TFEB: variants seen among roughly 807,000 people sequenced by gnomAD.
The protein encoded by TFEB is transcription factor EB, also known as T-cell transcription factor EB.
In TFEB, 12 loss-of-function variants were observed where a neutral mutation model predicts 48.0. That is an observed-to-expected ratio of 0.25 (90% CI 0.16 to 0.40). The LOEUF (loss-of-function observed/expected upper bound fraction) is 0.40, where lower values mean the gene tolerates loss of function less well. Among genes scored for constraint, TFEB ranks in the 10% least tolerant of loss-of-function variants. The probability of loss-of-function intolerance (pLI) is 1.00; values close to 1 mark genes in which losing one functional copy is unlikely to be tolerated. For missense variants in TFEB, 509 were observed against 640.3 expected, an observed-to-expected ratio of 0.79 and a Z score of 2.21; for synonymous variants, 244 against 261.4, an observed-to-expected ratio of 0.93 and a Z score of 0.64.
chr6:41,690,574 G>C, intron 3 of TFEB, 89 bp downstream of exon 3: 2 of 1,394,980 alleles, frequency 1.4e-6, no homozygotes, highest in South Asian at 1.7e-5. Flanking sequence ...AGGCACCCCT[G>C]CCTCTGCCAT....
chr6:41,687,884 C>T, intron 5 of TFEB, 24 bp downstream of exon 5: 1 of 1,610,740 alleles, frequency 6.2e-7, no homozygotes, highest in African/African-American at 1.3e-5. Context: ...TATTCAAAGG[C>T]ACAGGGGTAG....
intron 1 of TFEB, among the ~76,000 whole-genome samples, chr6:41,713,504 T>C (rs1770575766): frequency 6.6e-6 from 1 of 152,128 alleles, no homozygotes; most frequent in African/African-American, 2.4e-5. Context: ...CTTATAGCTG[T>C]AGGCATGGGC....
chr6:41,699,678 T>C (rs556004607), intron 1 of TFEB, among the ~76,000 whole-genome samples: 1 of 152,320 alleles, frequency 6.6e-6, no homozygotes, highest in East Asian at 1.9e-4. Flanking sequence ...CTGGAGATAC[T>C]TCATAATATA....
chr6:41,689,849 A>T, intron 3 of TFEB, 38 bp from the exon 4 acceptor site: 1 of 1,549,896 alleles, frequency 6.5e-7, no homozygotes, highest in Non-Finnish European at 8.9e-7. Flanking sequence ...AGGGCCCACC[A>T]CGAGGTGGGC....
intron 1 of TFEB, among the ~76,000 whole-genome samples, chr6:41,713,628 C>G (rs1374063189): frequency 6.6e-6 from 1 of 152,136 alleles, no homozygotes; most frequent in African/African-American, 2.4e-5. Flanking sequence ...ACTCAGGCAC[C>G]TGGTGGGCAG....
At chr6:41,733,009 G>A in intron 1 of TFEB, 2 of 985,542 alleles carry the variant, frequency 2.0e-6, no homozygotes, top group Non-Finnish European at 2.4e-6. Flanking sequence ...GAACCCAGGG[G>A]GTGGCTGGGC....
rs544575273 is a variant in TFEB, at chr6:41,684,237, C to G, written c.*362G>C. ...GCCTCAGATGAGGAGCTTCCCGAACCCCTCAAGCATGTCCTTCACTGGTAA... is the reference window on the plus strand; with the variant it reads ...GCCTCAGATGAGGAGCTTCCCGAACGCCTCAAGCATGTCCTTCACTGGTAA... On this transcript the variant is annotated 3_prime_UTR_variant, in exon 9 of 9. Coordinates refer to ENST00000373033, the MANE Select transcript of TFEB (RefSeq NM_001271944.2). The G allele has an allele frequency of 4.0e-6, 1 of 251,200 alleles. No homozygotes were observed. The highest frequency in any genetic ancestry group is 2.2e-5 in the African/African-American group (1 of 46,058). The allele number at this position is 251,200 out of a possible 1,614,324, so 15.6% of individuals were successfully genotyped here.
At chr6:41,690,969 C>G (rs1371011865) in intron 2 of TFEB, 32 bp downstream of exon 2, 4 of 1,564,190 alleles carry the variant, frequency 2.6e-6, no homozygotes, top group Non-Finnish European at 3.5e-6. Flanking sequence ...CTAGTGGGGA[C>G]AGGGTGGGGG....
At position 41,686,107 on chromosome 6, in the gene TFEB, G is replaced by A; in HGVS notation, c.934C>T (p.Leu312Phe). 6.2e-7 allele frequency: 1 copy of A among 1,614,242 alleles called. No homozygotes were observed. The highest frequency in any genetic ancestry group is 8.5e-7 in the Non-Finnish European group (1 of 1,180,054). ...SRRLEMTNKQ[L>F]WLRIQELEMQ... ...GACCAGACCTGGATACGGAGCCAGA[G>A]CTGCTTGTTGGTCATCTCCAGGCGG... Residue 312 changes from leucine to phenylalanine, a missense_variant, in exon 8 of 9, where the codon CTC (leucine) becomes TTC (phenylalanine). By Grantham distance (22) the Leu-to-Phe change is conservative. Transcript: ENST00000373033.
chr6:41,698,038 G>GAA (rs61635662), intron 1 of TFEB, among the ~76,000 whole-genome samples: 7 of 151,232 alleles, frequency 4.6e-5, no homozygotes, highest in African/African-American at 1.5e-4. Context: ...CTTTCTAATT[G>GAA]AAAAAAAAAT....
At chr6:41,727,057 C>T (rs978886744) in intron 1 of TFEB, among the ~76,000 whole-genome samples, 7 of 152,142 alleles carry the variant, frequency 4.6e-5, no homozygotes, top group African/African-American at 1.7e-4. Context: ...CTCTTTCACC[C>T]GCCACCCCGC....
chr6:41,734,630 G>C lies in TFEB; in HGVS notation c.-23+720C>G, dbSNP rs1474836461. Among the ~76,000 whole-genome samples the C allele has an allele frequency of 6.6e-6, 1 of 151,726 alleles. No homozygotes were observed. The highest frequency in any genetic ancestry group is 1.5e-5 in the Non-Finnish European group (1 of 67,850). On this transcript the variant is annotated intron_variant, in intron 1 of 8. Coordinates refer to ENST00000373033, the MANE Select transcript of TFEB (RefSeq NM_001271944.2). The surrounding 1 kb of genome is among the most constrained non-coding windows in gnomAD (Gnocchi z 4.0). ...GGGAACCCGGGGGGAGGCAGACAAC[G>C]GGGCGCACGGAGGGAGCGCTCCGGG...
At chr6:41,706,587 G>A (rs1349297110) in intron 1 of TFEB, among the ~76,000 whole-genome samples, 1 of 150,580 alleles carries the variant, frequency 6.6e-6, no homozygotes, top group African/African-American at 2.5e-5. Flanking sequence ...CCCAAATGCT[G>A]TCAGCTGCCC....
At chr6:41,703,684 T>C (rs1337701514) in intron 1 of TFEB, among the ~76,000 whole-genome samples, 2 of 152,230 alleles carry the variant, frequency 1.3e-5, no homozygotes, top group African/African-American at 2.4e-5. Flanking sequence ...GACGATTGCA[T>C]TGAATTCACA....
chr6:41,734,381 C>T lies in TFEB; in HGVS notation c.-23+969G>A. The T allele has an allele frequency of 1.0e-6, 1 of 984,838 alleles. No homozygotes were observed. The allele number at this position is 984,838 out of a possible 1,614,324, so 61.0% of individuals were successfully genotyped here. A position where few individuals can be genotyped will look rare whatever the true frequency, so the allele number is the denominator to read the frequency against. ...CCTGCTCGCGCAGCCCGGAGCAGCT[C>T]GGGGCAGCCGTGCGTGAAGCCGGAA... On this transcript the variant is annotated intron_variant, in intron 1 of 8. Transcript: ENST00000373033. This position sits in a 1 kb window ranked among gnomAD's most constrained non-coding sequence, Gnocchi z 4.0.
At chr6:41,714,951 T>C (rs977033334) in intron 1 of TFEB, among the ~76,000 whole-genome samples, 12 of 152,322 alleles carry the variant, frequency 7.9e-5, no homozygotes, top group African/African-American at 2.6e-4. Context: ...CCCAGGTTGA[T>C]GTTAGCAGCA....
At chr6:41,706,731 G>A (rs1175948411) in intron 1 of TFEB, among the ~76,000 whole-genome samples, 1 of 151,664 alleles carries the variant, frequency 6.6e-6, no homozygotes, top group Admixed American at 6.6e-5. Context: ...GAGGAGAAAT[G>A]GCCTCCTATG....
chr6:41,687,875 A>T, intron 5 of TFEB, 33 bp downstream of exon 5: 3 of 1,610,044 alleles, frequency 1.9e-6, no homozygotes, highest in South Asian at 1.1e-5. Context: ...GGAGTCGGGT[A>T]TTCAAAGGCA....
At position 41,724,366 on chromosome 6, in the gene TFEB, G is replaced by A. The variant is rs1289843961; in HGVS notation, c.-23+10984C>T. Among the ~76,000 whole-genome samples, 4 of 152,136 alleles carry A rather than the reference G, an allele frequency of 2.6e-5. 1 individual carries two copies. The highest frequency in any genetic ancestry group is 6.3e-3 in the Middle Eastern group (2 of 316). On this transcript the variant is annotated intron_variant, in intron 1 of 8. Coordinates refer to ENST00000373033, the MANE Select transcript of TFEB (RefSeq NM_001271944.2). This position sits in a 1 kb window ranked among gnomAD's most constrained non-coding sequence, Gnocchi z 4.4. ...GTGGATGAGTTTACTGGGCCCTTTCGTGAGTGCAGGTTTCAGGAAGGAAGC... is the reference window on the plus strand; with the variant it reads ...GTGGATGAGTTTACTGGGCCCTTTCATGAGTGCAGGTTTCAGGAAGGAAGC...
Sources: gnomAD v4.1 joint callset for allele counts (sites outside exome capture counted in the v4.1 genomes callset) on GRCh38, gnomAD v4.1.1 for gene constraint, Gnocchi (gnomAD v3.1) non-coding constraint, MANE v1.5 for transcripts, NCBI Gene and HGNC (gene_info 2026-07-23, HGNC 2026-07-21) for gene names.